CKAP5: variants seen among roughly 807,000 people sequenced by gnomAD.
CKAP5 encodes cytoskeleton-associated protein 5.
In CKAP5, 27 loss-of-function variants were observed where a neutral mutation model predicts 232.8. The observed-to-expected ratio is 0.12, with a 90% CI of 0.09 to 0.16. The LOEUF (loss-of-function observed/expected upper bound fraction) is 0.16, where lower values mean the gene tolerates loss of function less well. Ranked by LOEUF, CKAP5 falls within the 10% of genes least tolerant of loss-of-function variation. CKAP5 has a pLI of 1.00. For missense variants in CKAP5, 1,838 were observed against 2,424.7 expected (o/e 0.76, Z 5.08); for synonymous variants, 785 against 841.1 (o/e 0.93, Z 1.16).
chr11:46,808,016 A>C lies in CKAP5; in HGVS notation c.978+15T>G. The C allele has an allele frequency of 6.3e-7, 1 of 1,584,690 alleles. No homozygotes were observed. Among genetic ancestry groups the C allele is most frequent in the Non-Finnish European group, 8.7e-7 (1 of 1,154,210 alleles). On this transcript the variant is annotated intron_variant, in intron 8 of 43. Transcript: ENST00000529230. ...TGGCTGTTACAATACCAGTACTGCA[A>C]GTCCTCATATTTACCTTCTTTAATG...
intron 8 of CKAP5, among the ~76,000 whole-genome samples, chr11:46,807,562 A>G (rs1939185273): frequency 6.6e-6 from 1 of 152,210 alleles, no homozygotes; most frequent in African/African-American, 2.4e-5. Flanking sequence ...TTGCAATACC[A>G]AAAGATTATT....
chr11:46,802,557 G>T (rs4264121), intron 8 of CKAP5, among the ~76,000 whole-genome samples: 4 of 147,546 alleles, frequency 2.7e-5, no homozygotes, highest in African/African-American at 7.5e-5. Context: ...CAGACAGACA[G>T]ACACACACAC....
chr11:46,761,977 C>T, intron 32 of CKAP5, 23 bp downstream of exon 32: 1 of 1,576,466 alleles, frequency 6.3e-7, no homozygotes. Flanking sequence ...GACATGCTGA[C>T]AGTGTTCAGA....
intron 1 of CKAP5, among the ~76,000 whole-genome samples, chr11:46,838,394 T>C (rs1939964950): frequency 6.6e-6 from 1 of 151,756 alleles, no homozygotes; most frequent in Admixed American, 6.6e-5. Flanking sequence ...TCCCAGCACT[T>C]TGGATGCTGG....
At position 46,763,515 on chromosome 11, in the gene CKAP5, T is replaced by A. The variant is rs369273731; in HGVS notation, c.3653A>T (p.Gln1218Leu). 6 of 1,603,606 alleles carry A rather than the reference T, an allele frequency of 3.7e-6. No individual in the cohort carries two copies. Among genetic ancestry groups the A allele is most frequent in the Non-Finnish European group, 5.1e-6 (6 of 1,176,728 alleles). ...LQDEMFHSDFQHHNKALAVMV... is the reference protein window; with the variant it reads ...LQDEMFHSDFLHHNKALAVMV... ...AACAGCAAGGGCTTTGTTATGATGC[T>A]GAAAGTCTGAGTGAAACATCTCATC... The change falls in exon 29 of 44, where the codon CAG becomes CTG. Residue 1218 changes from glutamine (Q) to leucine (L), a missense_variant. Gln to Leu is a moderately radical substitution (Grantham distance 113). Coordinates refer to ENST00000529230, the MANE Select transcript of CKAP5 (RefSeq NM_001008938.4).
At chr11:46,749,512 G>C (rs1195438464) in intron 42 of CKAP5, among the ~76,000 whole-genome samples, 4 of 151,130 alleles carry the variant, frequency 2.6e-5, no homozygotes, top group African/African-American at 9.7e-5. Context: ...ATATCATGTA[G>C]GATATAGCAG....
intron 1 of CKAP5, among the ~76,000 whole-genome samples, chr11:46,845,061 A>T (rs1039924689): frequency 6.6e-6 from 1 of 152,230 alleles, no homozygotes; most frequent in East Asian, 1.9e-4. Context: ...ATTTGGTAAA[A>T]GCATTACAGT....
At chr11:46,807,325 T>C (rs1489234573) in intron 8 of CKAP5, among the ~76,000 whole-genome samples, 1 of 152,204 alleles carries the variant, frequency 6.6e-6, no homozygotes, top group Non-Finnish European at 1.5e-5. Context: ...AGTAATGACT[T>C]AGGTGTGCGT....
At chr11:46,780,600 C>T (rs1424963759) in intron 18 of CKAP5, 115 bp from the exon 19 acceptor site, 5 of 751,296 alleles carry the variant, frequency 6.7e-6, no homozygotes, top group Non-Finnish European at 1.1e-5. Context: ...CTCACTTTTT[C>T]TCTTCCTACA....
At chr11:46,785,478 C>G (rs751054577) in intron 16 of CKAP5, among the ~76,000 whole-genome samples, 2 of 152,046 alleles carry the variant, frequency 1.3e-5, no homozygotes, top group Non-Finnish European at 2.9e-5. Context: ...TACAGGCGCC[C>G]GCCACCACGC....
At chr11:46,784,413 T>G (rs780954834) in intron 17 of CKAP5, 75 bp downstream of exon 17, 2 of 1,174,760 alleles carry the variant, frequency 1.7e-6, no homozygotes, top group African/African-American at 3.1e-5. Context: ...TAAAAACTAA[T>G]GTTTAATTAG....
chr11:46,842,750 G>A (rs573113475), intron 1 of CKAP5, among the ~76,000 whole-genome samples: 10 of 147,824 alleles, frequency 6.8e-5, no homozygotes, highest in African/African-American at 1.3e-4. Context: ...GGCGGATCAC[G>A]AGGTCAGGAG....
At chr11:46,753,264 A>C (rs2065083819) in intron 37 of CKAP5, 46 bp downstream of exon 37, 1 of 1,481,888 alleles carries the variant, frequency 6.7e-7, no homozygotes, top group Non-Finnish European at 9.1e-7. Flanking sequence ...AGTGTAAACA[A>C]AAGCGAGGAT....
At chr11:46,750,008 G>C (rs1425495341) in intron 42 of CKAP5, among the ~76,000 whole-genome samples, 1 of 152,106 alleles carries the variant, frequency 6.6e-6, no homozygotes, top group Non-Finnish European at 1.5e-5. Context: ...TGAGACTGGA[G>C]GAAAACAAGA....
In CKAP5 at chr11:46,751,109, G is replaced by C; in HGVS notation, c.5460+9C>G. 1 of 1,613,988 alleles carries C rather than the reference G, an allele frequency of 6.2e-7. No homozygotes were observed. Reference sequence around the variant, plus strand: ...CATGTCCCTCAATCTTTCAAGTCAGGCCACTCACTATTCGAGATGCTCCCT... The same window carrying C: ...CATGTCCCTCAATCTTTCAAGTCAGCCCACTCACTATTCGAGATGCTCCCT... On this transcript the variant is annotated intron_variant, in intron 40 of 43. Coordinates refer to ENST00000529230, the MANE Select transcript of CKAP5 (RefSeq NM_001008938.4).
At chr11:46,818,218 C>T (rs1592479627) in intron 3 of CKAP5, 92 bp downstream of exon 3, 2 of 957,714 alleles carry the variant, frequency 2.1e-6, no homozygotes, top group East Asian at 2.8e-5. Flanking sequence ...TATTCTAAAA[C>T]TGCTAATAAC....
rs1592447120 is a variant in CKAP5, at chr11:46,772,194, A to G, written c.2992-1212T>C. ...CTGTTGAGTTTTCAGAGTTCTTTAT[A>G]TATTCTAGATATTAGTCCTTTATTG... is the stretch of plus-strand genomic sequence containing the variant. On this transcript the variant is annotated intron_variant, in intron 24 of 43. Transcript: ENST00000529230. Among the ~76,000 whole-genome samples the G allele has an allele frequency of 3.3e-5, 5 of 151,958 alleles. No homozygotes were observed. The East Asian group carries it at 9.7e-4, about 29-fold the overall frequency.
chr11:46,778,555 C>A lies in CKAP5; in HGVS notation c.2478G>T (p.Lys826Asn), dbSNP rs1199755932. 2 of 1,613,890 alleles carry A rather than the reference C, an allele frequency of 1.2e-6. No individual in the cohort carries two copies. The highest frequency in any genetic ancestry group is 2.2e-5 in the South Asian group (2 of 91,082). ...SPPAPTRGIS[K>N]HSTSGTDEGE... ...CTTCATCTGTACCACTTGTGCTATG[C>A]TTGGAAATTCCTCTGGTTGGAGCAG... The change falls in exon 21 of 44, where the codon AAG (lysine) becomes AAT (asparagine). Residue 826 changes from lysine to asparagine, a missense_variant. By Grantham distance (94) the Lys-to-Asn change is moderately conservative (BLOSUM62 0). This residue lies in a region of CKAP5 where 767 missense variants were observed against 954.6 expected (regional missense o/e 0.80). Coordinates refer to ENST00000529230, the MANE Select transcript of CKAP5 (RefSeq NM_001008938.4).
At chr11:46,812,460 A>T (rs1028778130) in intron 4 of CKAP5, among the ~76,000 whole-genome samples, 1 of 152,218 alleles carries the variant, frequency 6.6e-6, no homozygotes, top group Non-Finnish European at 1.5e-5. Flanking sequence ...TGAGTATCAG[A>T]TTCTGGAGCA....
Sources: allele counts gnomAD v4.1 joint callset (sites outside exome capture counted in the v4.1 genomes callset), GRCh38; gene constraint gnomAD v4.1.1; regional missense constraint gnomAD v4.1.1; transcripts MANE v1.5; gene names NCBI Gene and HGNC (gene_info 2026-07-23, HGNC 2026-07-21).